The following SEPTIN9 variants were observed in gnomAD, a reference collection of about 807,000 sequenced individuals.
SEPTIN9 encodes the protein septin 9, also known as septin-9.
A neutral mutation model predicts 56.6 loss-of-function variants in SEPTIN9; 13 were observed. That is an observed-to-expected ratio of 0.23 (90% CI 0.15 to 0.37). The LOEUF is 0.37. Ranked by LOEUF, SEPTIN9 falls within the 10% of genes least tolerant of loss-of-function variation. The probability of loss-of-function intolerance (pLI) is 1.00; values close to 1 mark genes in which losing one functional copy is unlikely to be tolerated. For synonymous variants in SEPTIN9, 332 were observed against 334.1 expected (o/e 0.99, Z 0.07); for missense variants, 650 against 823.1 (o/e 0.79, Z 2.57).
At chr17:77,373,280 G>GGGGGC (rs1327611017) in intron 2 of SEPTIN9, 16 of 1,153,956 alleles carry the variant, frequency 1.4e-5, no homozygotes, top group African/African-American at 4.9e-5. Context: ...CCCGGGAGGC[G>GGGGGC]GGGGCGGGGC....
At chr17:77,418,907 C>T (rs776745030) in intron 3 of SEPTIN9, among the ~76,000 whole-genome samples, 5 of 152,140 alleles carry the variant, frequency 3.3e-5, no homozygotes, top group Non-Finnish European at 5.9e-5. Context: ...CAGGAGGCAG[C>T]AAGGGACGGC....
At position 77,435,915 on chromosome 17, in the gene SEPTIN9, C is replaced by G. The variant is rs890408871; in HGVS notation, c.721+33212C>G. 1.3e-5 allele frequency among the ~76,000 whole-genome samples: 2 copies of G among 152,250 alleles called. No homozygotes were observed. Among genetic ancestry groups the G allele is most frequent in the Non-Finnish European group, 2.9e-5 (2 of 68,050 alleles). ...ACGGACTTCTTAGGGGCTTCCATTC[C>G]TCCACCTGGAAAAACCTTACACCGT... On this transcript the variant is annotated intron_variant, in intron 3 of 11. Coordinates refer to ENST00000427177, the MANE Select transcript of SEPTIN9 (RefSeq NM_001113491.2). The surrounding 1 kb of genome is among the most constrained non-coding windows in gnomAD (Gnocchi z 4.5).
intron 2 of SEPTIN9, among the ~76,000 whole-genome samples, chr17:77,397,979 G>GT (rs35934255): frequency 0.25 from 35,652 of 141,422 alleles, 5,361 homozygotes; most frequent in East Asian, 0.82. Context: ...GGTTTTGGTT[G>GT]TTTTTTTTTT....
chr17:77,461,217 A>C (rs1275444159), intron 3 of SEPTIN9, among the ~76,000 whole-genome samples: 1 of 152,080 alleles, frequency 6.6e-6, no homozygotes, highest in African/African-American at 2.4e-5. Flanking sequence ...GAGGCAGGAG[A>C]ATCACTCAAA....
At chr17:77,295,607 C>G (rs1332109351) in intron 1 of SEPTIN9, among the ~76,000 whole-genome samples, 2 of 152,174 alleles carry the variant, frequency 1.3e-5, no homozygotes, top group Non-Finnish European at 2.9e-5. Flanking sequence ...CGGCGTTTCT[C>G]CCACACAAAG....
At chr17:77,311,135 C>A (rs1598503171) in intron 2 of SEPTIN9, among the ~76,000 whole-genome samples, 1 of 152,060 alleles carries the variant, frequency 6.6e-6, no homozygotes, top group Non-Finnish European at 1.5e-5. Flanking sequence ...CACAGACACA[C>A]CGGGGAGAGC....
At chr17:77,385,897 C>A (rs1331302463) in intron 2 of SEPTIN9, among the ~76,000 whole-genome samples, 1 of 152,222 alleles carries the variant, frequency 6.6e-6, no homozygotes, top group African/African-American at 2.4e-5. Flanking sequence ...GCGGCTGTGC[C>A]TTTGGAAACT....
chr17:77,457,963 A>G (rs1352460671), intron 3 of SEPTIN9, among the ~76,000 whole-genome samples: 2 of 152,100 alleles, frequency 1.3e-5, no homozygotes, highest in African/African-American at 2.4e-5. Context: ...CCCTGGGTAA[A>G]CCCACGCGCC....
In SEPTIN9 at chr17:77,435,432, TCTC is replaced by T. The variant is rs2037302157; in HGVS notation, c.721+32733_721+32735del. ...CCCCCATGGTGGCTCTGTTTCCTCC[TCTC>T]CTCTGAACCTGCCAGCCTGTGCTCA... On this transcript the variant is annotated intron_variant, in intron 3 of 11. Coordinates refer to ENST00000427177, the MANE Select transcript of SEPTIN9 (RefSeq NM_001113491.2). The surrounding 1 kb of genome is among the most constrained non-coding windows in gnomAD (Gnocchi z 4.5). Among the ~76,000 whole-genome samples, 1 of 152,022 alleles carries T rather than the reference TCTC, an allele frequency of 6.6e-6. No homozygotes were observed. The highest frequency in any genetic ancestry group is 2.1e-4 in the South Asian group (1 of 4,818).
intron 3 of SEPTIN9, among the ~76,000 whole-genome samples, chr17:77,438,573 A>T (rs2037436403): frequency 1.3e-5 from 2 of 152,104 alleles, no homozygotes. Context: ...AGACCATCTG[A>T]GGGGTGCAGT....
At chr17:77,375,528 T>C (rs76160453) in intron 2 of SEPTIN9, 5,290 of 152,454 alleles carry the variant, frequency 0.035, 239 homozygotes, top group East Asian at 0.17. Flanking sequence ...ACTCCACCCT[T>C]GCCCCCATGT....
chr17:77,289,241 C>T (rs889473225), intron 1 of SEPTIN9, among the ~76,000 whole-genome samples: 1 of 140,466 alleles, frequency 7.1e-6, no homozygotes, highest in Non-Finnish European at 1.5e-5. Flanking sequence ...GGATTACAGG[C>T]ACGCGCCACC....
In SEPTIN9 at chr17:77,323,015, C is replaced by T. The variant is rs72896128; in HGVS notation, c.76+15818C>T. ...TCCAGCTCAGGCTGCCCTACAGCTG[C>T]CCAGGAAGGGTTTGTGGGAGGGGGT... On this transcript the variant is annotated intron_variant, in intron 2 of 11. Transcript: ENST00000427177. This position sits in a 1 kb window ranked among gnomAD's most constrained non-coding sequence, Gnocchi z 6.8. 4.1e-3 allele frequency: 628 copies of T among 152,572 alleles called. 4 individuals carry two copies. Among genetic ancestry groups the T allele is most frequent in the Non-Finnish European group, 7.1e-3 (484 of 68,230 alleles). The allele number at this position is 152,572 out of a possible 1,614,324, so 9.5% of individuals were successfully genotyped here. A position where few individuals can be genotyped will look rare whatever the true frequency, so the allele number is the denominator to read the frequency against.
At chr17:77,490,348 G>C (rs1173273012) in intron 7 of SEPTIN9, among the ~76,000 whole-genome samples, 1 of 152,216 alleles carries the variant, frequency 6.6e-6, no homozygotes, top group African/African-American at 2.4e-5. Context: ...TGGTGCAGGG[G>C]CACCGCACAC....
rs368275321 is a variant in SEPTIN9, at chr17:77,344,228, A to G, written c.76+37031A>G. ...GAACAGACATTTTTCCACAGAAGACATACCAATGGCCAAGAAGCACAGGAA... is the reference window on the plus strand; with the variant it reads ...GAACAGACATTTTTCCACAGAAGACGTACCAATGGCCAAGAAGCACAGGAA... On this transcript the variant is annotated intron_variant, in intron 2 of 11. Transcript: ENST00000427177. Among the ~76,000 whole-genome samples the G allele has an allele frequency of 1.2e-4, 19 of 152,328 alleles. No homozygotes were observed. The East Asian group carries it at 1.9e-3, about 15-fold the overall frequency.
chr17:77,376,149 C>G, intron 2 of SEPTIN9: 2 of 987,030 alleles, frequency 2.0e-6, no homozygotes, highest in Non-Finnish European at 2.4e-6. Flanking sequence ...GGAGAGCCTT[C>G]TGGCCAGCAG....
chr17:77,480,905 C>T lies in SEPTIN9; in HGVS notation c.722-1239C>T, dbSNP rs527876100. On this transcript the variant is annotated intron_variant, in intron 3 of 11. Coordinates refer to ENST00000427177, the MANE Select transcript of SEPTIN9 (RefSeq NM_001113491.2). ...AGGGACGGGGGCACAGAACAGCAGCCGCCCAGCCTGCGTGGGAGCTGAGGG... is the reference window on the plus strand; with the variant it reads ...AGGGACGGGGGCACAGAACAGCAGCTGCCCAGCCTGCGTGGGAGCTGAGGG... 3.3e-5 allele frequency among the ~76,000 whole-genome samples: 5 copies of T among 152,308 alleles called. No homozygotes were observed. In the East Asian group the frequency reaches 5.8e-4, roughly 18 times the overall value.
intron 2 of SEPTIN9, among the ~76,000 whole-genome samples, chr17:77,359,153 C>G (rs1467072098): frequency 1.3e-5 from 2 of 152,172 alleles, no homozygotes; most frequent in Non-Finnish European, 2.9e-5. Context: ...GGCCAGAACC[C>G]AGTTGTATGG....
intron 2 of SEPTIN9, among the ~76,000 whole-genome samples, chr17:77,314,998 G>A (rs1247228476): frequency 6.6e-6 from 1 of 152,242 alleles, no homozygotes; most frequent in Admixed American, 6.5e-5. Context: ...ATTGTTGTGA[G>A]AAGGGGTGGG....
Sources: allele counts gnomAD v4.1 joint callset (sites outside exome capture counted in the v4.1 genomes callset), GRCh38; gene constraint gnomAD v4.1.1; non-coding constraint Gnocchi (gnomAD v3.1); transcripts MANE v1.5; gene names NCBI Gene and HGNC (gene_info 2026-07-23, HGNC 2026-07-21).